The following MAGI2 variants were observed in gnomAD, a reference collection of about 807,000 sequenced individuals.
MAGI2 encodes the protein membrane associated guanylate kinase, WW and PDZ domain containing 2.
A neutral mutation model predicts 133.3 loss-of-function variants in MAGI2; 35 were observed. The ratio of observed to expected loss-of-function variants is 0.26; its 90% CI spans 0.20 to 0.35. MAGI2 has a LOEUF of 0.35. MAGI2 is among the 10% of genes least tolerant of loss of function. The pLI is 1.00. For synonymous variants in MAGI2, 729 were observed against 710.6 expected (o/e 1.03, Z -0.41); for missense variants, 1,636 against 1,863.4 (o/e 0.88, Z 2.25).
At chr7:78,560,700 T>C (rs1017190612) in intron 3 of MAGI2, among the ~76,000 whole-genome samples, 2 of 152,122 alleles carry the variant, frequency 1.3e-5, no homozygotes, top group African/African-American at 4.8e-5. Context: ...CAGAGCTGGG[T>C]TTGAATTTCT....
intron 9 of MAGI2, among the ~76,000 whole-genome samples, chr7:78,278,736 A>C (rs890929253): frequency 1.2e-4 from 19 of 152,182 alleles, no homozygotes; most frequent in African/African-American, 4.6e-4. Flanking sequence ...TTCCCTGAGG[A>C]AGAAGAAATT....
chr7:78,742,547 T>C (rs969564053), intron 2 of MAGI2, among the ~76,000 whole-genome samples: 1 of 152,198 alleles, frequency 6.6e-6, no homozygotes, highest in African/African-American at 2.4e-5. Flanking sequence ...TCCCTCTGGC[T>C]TGGATAATTT....
intron 21 of MAGI2, among the ~76,000 whole-genome samples, chr7:78,032,008 A>AT (rs1809631617): frequency 1.7e-5 from 1 of 57,346 alleles, no homozygotes; most frequent in African/African-American, 5.8e-5. Flanking sequence ...AAGCCCCCCC[A>AT]CTTTTTTTTT....
At chr7:78,917,154 G>A (rs950622833) in intron 2 of MAGI2, among the ~76,000 whole-genome samples, 3 of 152,004 alleles carry the variant, frequency 2.0e-5, no homozygotes, top group Non-Finnish European at 4.4e-5. Context: ...ACTACTTGGT[G>A]GCTGGTTAGA....
rs117585407 is a variant in MAGI2, at chr7:79,398,043, A to C, written c.301+54977T>G. On this transcript the variant is annotated intron_variant, in intron 1 of 21. Coordinates refer to ENST00000354212, the MANE Select transcript of MAGI2 (RefSeq NM_012301.4). ...CATATGTTTTGTCCATGTGCCTTTT[A>C]ATTTTCTTTTGTTTTCCTTTAGCTT... Among the ~76,000 whole-genome samples the C allele has an allele frequency of 4.8e-3, 727 of 152,236 alleles. 3 individuals carry two copies. The highest frequency in any genetic ancestry group is 7.8e-3 in the Non-Finnish European group (531 of 68,004).
intron 1 of MAGI2, among the ~76,000 whole-genome samples, chr7:79,203,706 T>C (rs895106561): frequency 2.0e-5 from 3 of 151,932 alleles, no homozygotes; most frequent in Non-Finnish European, 4.4e-5. Flanking sequence ...AAAAAACCAA[T>C]CCACCAATCA....
rs3840607 is a variant in MAGI2 at position 78,069,539 on chromosome 7, G to GGAGAGAGAGAGAGAGAGAGAGAGAGA, written c.3706+9382_3706+9407dup. On this transcript the variant is annotated intron_variant, in intron 21 of 21. Transcript: ENST00000354212. ...AGAGAGAGATTGAAAGAAAGAGAGA[G>GGAGAGAGAGAGAGAGAGAGAGAGAGA]GAGAGAGAGAGAGAGAGAGAGAGAG... is the stretch of plus-strand genomic sequence containing the variant. 4.8e-3 allele frequency among the ~76,000 whole-genome samples: 645 copies of GGAGAGAGAGAGAGAGAGAGAGAGAGA among 134,622 alleles called. 5 individuals are homozygous for GGAGAGAGAGAGAGAGAGAGAGAGAGA. Among genetic ancestry groups the GGAGAGAGAGAGAGAGAGAGAGAGAGA allele is most frequent in the Non-Finnish European group, 7.3e-3 (460 of 62,866 alleles). The allele number at this position is 134,622 out of a possible 152,430, so 88.3% of individuals were successfully genotyped here. A position where few individuals can be genotyped will look rare whatever the true frequency, so the allele number is the denominator to read the frequency against.
chr7:79,079,157 T>C (rs531232002), intron 1 of MAGI2, among the ~76,000 whole-genome samples: 6 of 152,156 alleles, frequency 3.9e-5, no homozygotes, highest in Non-Finnish European at 7.4e-5. Context: ...CTGTTTATAA[T>C]ATAAAATCAC....
At chr7:79,059,575 T>G (rs1273162318) in intron 1 of MAGI2, among the ~76,000 whole-genome samples, 1 of 152,082 alleles carries the variant, frequency 6.6e-6, no homozygotes, top group Non-Finnish European at 1.5e-5. Flanking sequence ...ATTTAGTTAT[T>G]TTGTTTAAAT....
At chr7:79,174,485 A>T (rs1228426583) in intron 1 of MAGI2, among the ~76,000 whole-genome samples, 1 of 152,042 alleles carries the variant, frequency 6.6e-6, no homozygotes, top group Non-Finnish European at 1.5e-5. Flanking sequence ...ACTGGGGAAA[A>T]AAATTACAAC....
At chr7:79,381,411 T>C (rs992895237) in intron 1 of MAGI2, among the ~76,000 whole-genome samples, 53 of 151,914 alleles carry the variant, frequency 3.5e-4, no homozygotes, top group Admixed American at 2.5e-3. Flanking sequence ...AAGGTTTGCT[T>C]ATGTTTAGAT....
At chr7:78,231,801 G>C (rs1439091863) in intron 10 of MAGI2, among the ~76,000 whole-genome samples, 2 of 152,186 alleles carry the variant, frequency 1.3e-5, no homozygotes, top group Non-Finnish European at 1.5e-5. Context: ...ATGTAATTTG[G>C]ATGTGTTGGG....
chr7:79,329,703 T>C (rs1199335885), intron 1 of MAGI2, among the ~76,000 whole-genome samples: 1 of 152,238 alleles, frequency 6.6e-6, no homozygotes, highest in Non-Finnish European at 1.5e-5. Context: ...CTGGGCTCCA[T>C]GGAGACATGT....
At chr7:78,565,289 C>T (rs1010521883) in intron 3 of MAGI2, among the ~76,000 whole-genome samples, 2 of 151,686 alleles carry the variant, frequency 1.3e-5, no homozygotes, top group African/African-American at 2.4e-5. Context: ...TAGCGAGACC[C>T]TGTGTCAAAA....
At chr7:78,167,878 C>T in intron 15 of MAGI2, 38 bp downstream of exon 15, 4 of 1,583,452 alleles carry the variant, frequency 2.5e-6, no homozygotes, top group Non-Finnish European at 3.5e-6. Context: ...ATCTTACCAC[C>T]TAACCCTCGA....
intron 16 of MAGI2, among the ~76,000 whole-genome samples, chr7:78,155,847 C>T (rs1374613387): frequency 1.3e-5 from 2 of 152,118 alleles, no homozygotes; most frequent in Non-Finnish European, 2.9e-5. Flanking sequence ...ATCTGTCAGC[C>T]TTTGGTAAAG....
chr7:78,214,235 TA>T (rs765329364), intron 10 of MAGI2, among the ~76,000 whole-genome samples: 8 of 152,234 alleles, frequency 5.3e-5, no homozygotes, highest in African/African-American at 7.2e-5. Context: ...TTCTCCTTTT[TA>T]AATATTACAT....
At chr7:78,752,420 A>C (rs889311668) in intron 2 of MAGI2, among the ~76,000 whole-genome samples, 4 of 151,988 alleles carry the variant, frequency 2.6e-5, no homozygotes, top group Admixed American at 1.3e-4. Flanking sequence ...CTGACCAACA[A>C]GGTGAAACCC....
At chr7:78,693,219 A>C (rs142549881) in intron 2 of MAGI2, among the ~76,000 whole-genome samples, 1 of 152,274 alleles carries the variant, frequency 6.6e-6, no homozygotes, top group African/African-American at 2.4e-5. Flanking sequence ...GATGGAGAAA[A>C]ATGCCTGTCA....
Sources: gnomAD v4.1 joint callset for allele counts (sites outside exome capture counted in the v4.1 genomes callset) on GRCh38, gnomAD v4.1.1 for gene constraint, MANE v1.5 for transcripts, NCBI Gene and HGNC (gene_info 2026-07-23, HGNC 2026-07-21) for gene names.